The following ZBTB2 variants were observed in gnomAD, a reference collection of about 807,000 sequenced individuals.
ZBTB2 encodes zinc finger and BTB domain containing 2, also known as zinc finger and BTB domain-containing protein 2.
ZBTB2 carries 2 observed loss-of-function variants against 39.5 expected under a neutral mutation model. The ratio of observed to expected loss-of-function variants is 0.05; its 90% CI spans 0.02 to 0.16. The LOEUF (loss-of-function observed/expected upper bound fraction) is 0.16, where lower values mean the gene tolerates loss of function less well. Among genes scored for constraint, ZBTB2 ranks in the 10% least tolerant of loss-of-function variants. The probability of loss-of-function intolerance (pLI) is 1.00; values close to 1 mark genes in which losing one functional copy is unlikely to be tolerated. For missense variants in ZBTB2, 391 were observed against 653.0 expected, an observed-to-expected ratio of 0.60 and a Z score of 4.37; for synonymous variants, 251 against 256.6, an observed-to-expected ratio of 0.98 and a Z score of 0.21.
At chr6:151,383,991 G>C (rs1030629345) in intron 1 of ZBTB2, among the ~76,000 whole-genome samples, 12 of 152,260 alleles carry the variant, frequency 7.9e-5, no homozygotes, top group African/African-American at 2.9e-4. Context: ...GAAGAAGAGT[G>C]CTGAGTTCCA....
intron 1 of ZBTB2, among the ~76,000 whole-genome samples, chr6:151,378,509 A>C (rs951867738): frequency 6.6e-6 from 1 of 152,228 alleles, no homozygotes; most frequent in Non-Finnish European, 1.5e-5. Flanking sequence ...GGGTTGCAAA[A>C]GTAACCTGGA....
chr6:151,384,359 G>A (rs1190376652), intron 1 of ZBTB2, among the ~76,000 whole-genome samples: 1 of 152,134 alleles, frequency 6.6e-6, no homozygotes, highest in Non-Finnish European at 1.5e-5. Context: ...TAATCAAGCT[G>A]GGGAGGAGGG....
At chr6:151,390,847 A>C (rs1779281515) in intron 1 of ZBTB2, among the ~76,000 whole-genome samples, 1 of 145,624 alleles carries the variant, frequency 6.9e-6, no homozygotes, top group Non-Finnish European at 1.5e-5. Context: ...CAGCAGCAGG[A>C]GGCGGCGGCG....
At chr6:151,378,797 T>C (rs1393723099) in intron 1 of ZBTB2, among the ~76,000 whole-genome samples, 1 of 152,232 alleles carries the variant, frequency 6.6e-6, no homozygotes, top group Admixed American at 6.5e-5. Context: ...AACATTACTA[T>C]TTATCCCTTG....
chr6:151,388,118 C>T (rs1562772163), intron 1 of ZBTB2, among the ~76,000 whole-genome samples: 3 of 148,668 alleles, frequency 2.0e-5, no homozygotes, highest in East Asian at 2.0e-4. Context: ...TTTAGGTTTT[C>T]AGTCATGTTT....
At chr6:151,370,813 G>T (rs920159757) in intron 2 of ZBTB2, among the ~76,000 whole-genome samples, 7 of 152,190 alleles carry the variant, frequency 4.6e-5, no homozygotes, top group African/African-American at 1.7e-4. Flanking sequence ...GCCTTGCCTC[G>T]AGGAGCTTGA....
In ZBTB2 at chr6:151,385,706, T is replaced by C. The variant is rs114251843; in HGVS notation, c.-13+5714A>G. On this transcript the variant is annotated intron_variant, in intron 1 of 2. Coordinates refer to ENST00000325144, the MANE Select transcript of ZBTB2 (RefSeq NM_020861.3). Reference sequence around the variant, plus strand: ...AGGACAATCAGTAACAGCAGAGGCATTACCCACAAGTAAGATTGATTCTTT... The same window carrying C: ...AGGACAATCAGTAACAGCAGAGGCACTACCCACAAGTAAGATTGATTCTTT... Among the ~76,000 whole-genome samples the C allele has an allele frequency of 5.1e-3, 780 of 152,324 alleles. 5 individuals are homozygous for C. The highest frequency in any genetic ancestry group is 0.018 in the African/African-American group (752 of 41,574).
chr6:151,366,985 G>C lies in ZBTB2; in HGVS notation c.174-93C>G. On this transcript the variant is annotated intron_variant, in intron 2 of 2. Transcript: ENST00000325144. This position sits in a 1 kb window ranked among gnomAD's most constrained non-coding sequence, Gnocchi z 7.1. ...AAAAAATGAATGCTTAAAAACAAAG[G>C]AAACAACATTTCCTATCCTTGATTT... 2 of 1,307,902 alleles carry C rather than the reference G, an allele frequency of 1.5e-6. No homozygotes were observed. The highest frequency in any genetic ancestry group is 1.5e-5 in the South Asian group (1 of 67,286). 81.0% of individuals were successfully genotyped at this position (1,307,902 alleles called of 1,614,324 possible).
chr6:151,369,590 T>C (rs1396245308), intron 2 of ZBTB2, among the ~76,000 whole-genome samples: 5 of 152,198 alleles, frequency 3.3e-5, no homozygotes, highest in Admixed American at 3.3e-4. Context: ...GATTACAGCA[T>C]TGGGATTACA....
intron 2 of ZBTB2, among the ~76,000 whole-genome samples, chr6:151,370,623 G>T (rs1436064647): frequency 3.9e-5 from 6 of 152,222 alleles, no homozygotes; most frequent in Admixed American, 6.5e-5. Context: ...ACCACTCGGA[G>T]TAGTAGACAT....
Position 151,366,536 on chromosome 6 carries a change from A to G in ZBTB2, c.530T>C (p.Leu177Pro), listed in dbSNP as rs1295824470. 1.9e-6 allele frequency: 3 copies of G among 1,613,760 alleles called. No homozygotes were observed. Among genetic ancestry groups the G allele is most frequent in the South Asian group, 1.1e-5 (1 of 91,054 alleles). The change falls in exon 3 of 3, where the codon CTC becomes CCC. Residue 177 changes from leucine to proline, a missense_variant. This residue lies in a region of ZBTB2 where 175 missense variants were observed against 198.6 expected (regional missense o/e 0.88). Coordinates refer to ENST00000325144, the MANE Select transcript of ZBTB2 (RefSeq NM_020861.3). The surrounding 1 kb of genome is among the most constrained non-coding windows in gnomAD (Gnocchi z 7.1). ...SQEQVPEASQLSQLTSNLAQV... is the reference protein window; with the variant it reads ...SQEQVPEASQPSQLTSNLAQV... ...GGCCAGATTTGAAGTCAGCTGGGAG[A>G]GCTGTGAGGCCTCAGGGACCTGCTC...
intron 1 of ZBTB2, among the ~76,000 whole-genome samples, chr6:151,375,671 C>T (rs141617206): frequency 1.3e-3 from 202 of 152,324 alleles, no homozygotes; most frequent in African/African-American, 4.7e-3. Flanking sequence ...ATTCTCCTGC[C>T]TCAGCCTCCC....
At position 151,373,843 on chromosome 6, in the gene ZBTB2, T is replaced by TAAAAAAAAAAA. The variant is rs200070063; in HGVS notation, c.-12-205_-12-195dup. On this transcript the variant is annotated intron_variant, in intron 1 of 2. Transcript: ENST00000325144. ...TGAAGTAGTTATGTCATTATGCCTT[T>TAAAAAAAAAAA]AAAAAAAAAAAAAAAAAAAAAAAAA... 1.3e-3 allele frequency among the ~76,000 whole-genome samples: 61 copies of TAAAAAAAAAAA among 45,980 alleles called. 2 individuals are homozygous for TAAAAAAAAAAA. The highest frequency in any genetic ancestry group is 3.5e-3 in the African/African-American group (56 of 15,932). 30.2% of individuals were successfully genotyped at this position (45,980 alleles called of 152,430 possible). A position where few individuals can be genotyped will look rare whatever the true frequency, so the allele number is the denominator to read the frequency against.
chr6:151,390,712 A>C (rs1367524887), intron 1 of ZBTB2, among the ~76,000 whole-genome samples: 1 of 151,486 alleles, frequency 6.6e-6, no homozygotes, highest in Admixed American at 6.6e-5. Flanking sequence ...CAGCTGGGAG[A>C]AGCGCCAGAG....
Position 151,368,535 on chromosome 6 carries a change from C to T in ZBTB2, c.174-1643G>A, listed in dbSNP as rs562781558. 3.7e-3 allele frequency among the ~76,000 whole-genome samples: 558 copies of T among 151,016 alleles called. 2 individuals carry two copies. Among genetic ancestry groups the T allele is most frequent in the Non-Finnish European group, 6.8e-3 (460 of 67,746 alleles). On this transcript the variant is annotated intron_variant, in intron 2 of 2. Transcript: ENST00000325144. ...AGTGGCACAATCTCAGCTCACTGCA[C>T]CCTCCATCCCCTCGTCCAAGTGATT...
At chr6:151,384,788 G>A (rs1402573894) in intron 1 of ZBTB2, among the ~76,000 whole-genome samples, 1 of 152,168 alleles carries the variant, frequency 6.6e-6, no homozygotes, top group Non-Finnish European at 1.5e-5. Flanking sequence ...TGAATTGTCT[G>A]CGTCTTCAGA....
Position 151,365,657 on chromosome 6 carries a change from T to C in ZBTB2, c.1409A>G (p.Asn470Ser). ...PNEVVKHSCQ[N>S]QNSDVFALDE... ...TAGGGCAAAAACATCCGAGTTCTGG[T>C]TTTGGCATGAATGTTTAACAACCTC... The change falls in exon 3 of 3, where the codon AAC (asparagine) becomes AGC (serine). Residue 470 changes from asparagine to serine, a missense_variant. Asn to Ser is a conservative substitution (Grantham distance 46). This residue lies in a region of ZBTB2 where 49 missense variants were observed against 55.6 expected (regional missense o/e 0.88). Transcript: ENST00000325144. The surrounding 1 kb of genome is among the most constrained non-coding windows in gnomAD (Gnocchi z 5.6). 2 of 1,614,092 alleles carry C rather than the reference T, an allele frequency of 1.2e-6. No individual in the cohort carries two copies. The highest frequency in any genetic ancestry group is 1.7e-6 in the Non-Finnish European group (2 of 1,180,012).
chr6:151,369,233 A>C (rs949897902), intron 2 of ZBTB2, among the ~76,000 whole-genome samples: 17 of 152,210 alleles, frequency 1.1e-4, no homozygotes, highest in African/African-American at 3.9e-4. Context: ...CCCACACTTT[A>C]GGCAGGCCTG....
At chr6:151,390,437 C>CGCGT (rs1415251009) in intron 1 of ZBTB2, among the ~76,000 whole-genome samples, 2 of 150,264 alleles carry the variant, frequency 1.3e-5, no homozygotes, top group African/African-American at 4.9e-5. Context: ...CCCTCAGTCC[C>CGCGT]GCGTGCGCGC....
Sources: allele counts gnomAD v4.1 joint callset (sites outside exome capture counted in the v4.1 genomes callset), GRCh38; gene constraint gnomAD v4.1.1; regional missense constraint gnomAD v4.1.1; non-coding constraint Gnocchi (gnomAD v3.1); transcripts MANE v1.5; gene names NCBI Gene and HGNC (gene_info 2026-07-23, HGNC 2026-07-21).